The following STPG2 variants were observed in gnomAD, a reference collection of about 807,000 sequenced individuals.
The protein encoded by STPG2 is sperm tail PG-rich repeat containing 2, also known as sperm-tail PG-rich repeat-containing protein 2.
In STPG2, 56 loss-of-function variants were observed where a neutral mutation model predicts 54.2. The ratio of observed to expected loss-of-function variants is 1.03; its 90% CI spans 0.83 to 1.29. The LOEUF is 1.29. Ranked by LOEUF, STPG2 falls within the 50% of genes most tolerant of loss-of-function variation. The probability of loss-of-function intolerance (pLI) is 0.00; values close to 1 mark genes in which losing one functional copy is unlikely to be tolerated. For synonymous variants in STPG2, 200 were observed against 181.8 expected (o/e 1.10, Z -0.81); for missense variants, 596 against 544.9 (o/e 1.09, Z -0.93).
Position 98,049,927 on chromosome 4 carries a change from A to T in STPG2, c.612+56026T>A, listed in dbSNP as rs76514372. 5.2e-3 allele frequency among the ~76,000 whole-genome samples: 794 copies of T among 152,326 alleles called. 3 individuals are homozygous for T. Among genetic ancestry groups the T allele is most frequent in the Non-Finnish European group, 8.1e-3 (553 of 68,006 alleles). Reference sequence around the variant, plus strand: ...TCTAGTCTACAAATTTATAGAAAATACAAAAGACAAAGAAACATACTAAAA... The same window carrying T: ...TCTAGTCTACAAATTTATAGAAAATTCAAAAGACAAAGAAACATACTAAAA... On this transcript the variant is annotated intron_variant, in intron 5 of 10. Coordinates refer to ENST00000295268, the MANE Select transcript of STPG2 (RefSeq NM_174952.3).
intron 7 of STPG2, among the ~76,000 whole-genome samples, chr4:97,968,834 T>C (rs1438554947): frequency 1.3e-5 from 2 of 152,202 alleles, no homozygotes; most frequent in Admixed American, 6.5e-5. Flanking sequence ...CAGGATTGTG[T>C]AAAGACAATG....
At chr4:97,829,146 C>T (rs1244706338) in intron 9 of STPG2, among the ~76,000 whole-genome samples, 1 of 152,110 alleles carries the variant, frequency 6.6e-6, no homozygotes, top group Non-Finnish European at 1.5e-5. Context: ...CCGGTGGGTG[C>T]CCCTCTGGGA....
intron 10 of STPG2, among the ~76,000 whole-genome samples, chr4:97,691,993 G>A (rs1723380758): frequency 6.6e-6 from 1 of 152,168 alleles, no homozygotes; most frequent in Admixed American, 6.5e-5. Context: ...AGCACTGCAT[G>A]AAAGGAGCAC....
At chr4:97,790,600 G>C (rs550813875) in intron 9 of STPG2, among the ~76,000 whole-genome samples, 154 of 152,232 alleles carry the variant, frequency 1.0e-3, no homozygotes, top group African/African-American at 3.4e-3. Context: ...AGCTTCTAGA[G>C]GCTGCCCTCA....
Position 98,133,681 on chromosome 4 carries a change from T to C in STPG2, c.222+666A>G, listed in dbSNP as rs992765987. On this transcript the variant is annotated intron_variant, in intron 2 of 10. Coordinates refer to ENST00000295268, the MANE Select transcript of STPG2 (RefSeq NM_174952.3). Reference sequence around the variant, plus strand: ...TTTGATAATTTAAAAGCCATTACCATAGGCTCTATGATCATACAAATCAAA... The same window carrying C: ...TTTGATAATTTAAAAGCCATTACCACAGGCTCTATGATCATACAAATCAAA... Among the ~76,000 whole-genome samples the C allele has an allele frequency of 3.9e-5, 6 of 152,024 alleles. No individual in the cohort carries two copies. In the East Asian group the frequency reaches 5.8e-4, roughly 15 times the overall value.
intron 4 of STPG2, among the ~76,000 whole-genome samples, chr4:97,452,537 A>G (rs1043570159): frequency 1.5e-4 from 23 of 152,228 alleles, no homozygotes; most frequent in African/African-American, 5.5e-4. Flanking sequence ...TGAGGCCCAT[A>G]AAAGCCCCAG....
chr4:97,904,259 A>G (rs374820375), intron 8 of STPG2, among the ~76,000 whole-genome samples: 5 of 152,336 alleles, frequency 3.3e-5, no homozygotes, highest in South Asian at 2.1e-4. Flanking sequence ...ATCTGAGAAC[A>G]GGCAGACTGC....
intron 9 of STPG2, among the ~76,000 whole-genome samples, chr4:97,731,338 A>T (rs1006996804): frequency 5.3e-5 from 8 of 152,152 alleles, no homozygotes; most frequent in Admixed American, 4.6e-4. Context: ...GTGTCCTCAA[A>T]GAATTTTTGT....
At chr4:97,533,438 T>C (rs1460957075) in intron 4 of STPG2, among the ~76,000 whole-genome samples, 1 of 152,110 alleles carries the variant, frequency 6.6e-6, no homozygotes, top group Admixed American at 6.6e-5. Flanking sequence ...TTTATTAAAG[T>C]GTAGTTTATA....
intron 5 of STPG2, among the ~76,000 whole-genome samples, chr4:98,012,134 T>C (rs940127750): frequency 3.2e-5 from 4 of 126,750 alleles, no homozygotes; most frequent in African/African-American, 1.2e-4. Flanking sequence ...TTTTGTATAA[T>C]GCATAAGGGG....
intron 9 of STPG2, among the ~76,000 whole-genome samples, chr4:97,779,758 G>A (rs1726537251): frequency 6.6e-6 from 1 of 152,218 alleles, no homozygotes; most frequent in African/African-American, 2.4e-5. Flanking sequence ...CAAGCCAGAA[G>A]AGAGTGGGGG....
intron 10 of STPG2, among the ~76,000 whole-genome samples, chr4:97,591,272 A>G (rs1200111499): frequency 6.6e-6 from 1 of 152,196 alleles, no homozygotes; most frequent in African/African-American, 2.4e-5. Context: ...TTATAAATCA[A>G]TTTCCATTAG....
chr4:97,609,047 T>C (rs1359661501), intron 10 of STPG2, among the ~76,000 whole-genome samples: 1 of 152,108 alleles, frequency 6.6e-6, no homozygotes, highest in African/African-American at 2.4e-5. Context: ...GATTACATTT[T>C]AAAATAAGCA....
intron 8 of STPG2, among the ~76,000 whole-genome samples, chr4:97,943,469 A>G (rs1240013336): frequency 6.6e-6 from 1 of 152,226 alleles, no homozygotes; most frequent in Non-Finnish European, 1.5e-5. Flanking sequence ...AGAAAAATTT[A>G]TAGCCATACC....
At chr4:97,697,064 C>A (rs1246680020) in intron 10 of STPG2, among the ~76,000 whole-genome samples, 1 of 152,136 alleles carries the variant, frequency 6.6e-6, no homozygotes, top group South Asian at 2.1e-4. Flanking sequence ...TTGAATTGCA[C>A]CTCTCTGTCT....
chr4:97,828,116 C>G lies in STPG2; in HGVS notation c.1204+12657G>C, dbSNP rs1334991654. Reference sequence around the variant, plus strand: ...TGATGGCAAGATGGCCAAATAGGAACAGCCCTGGTCTGCAGCTCCCAGTGA... The same window carrying G: ...TGATGGCAAGATGGCCAAATAGGAAGAGCCCTGGTCTGCAGCTCCCAGTGA... On this transcript the variant is annotated intron_variant, in intron 9 of 10. Coordinates refer to ENST00000295268, the MANE Select transcript of STPG2 (RefSeq NM_174952.3). Among the ~76,000 whole-genome samples, 5 of 152,248 alleles carry G rather than the reference C, an allele frequency of 3.3e-5. No homozygotes were observed. The East Asian group carries it at 9.7e-4, about 29-fold the overall frequency.
chr4:97,534,677 A>G (rs1578368746), intron 4 of STPG2, among the ~76,000 whole-genome samples: 2 of 152,158 alleles, frequency 1.3e-5, no homozygotes, highest in Non-Finnish European at 2.9e-5. Flanking sequence ...ACATAATTCT[A>G]TGAATTTTGA....
chr4:98,087,100 C>T (rs1161073738), intron 5 of STPG2, among the ~76,000 whole-genome samples: 1 of 151,994 alleles, frequency 6.6e-6, no homozygotes, highest in East Asian at 1.9e-4. Context: ...CACATAAGAG[C>T]GTTTTATTTA....
intron 5 of STPG2, among the ~76,000 whole-genome samples, chr4:98,014,457 C>T (rs538701083): frequency 6.6e-6 from 1 of 152,176 alleles, no homozygotes; most frequent in East Asian, 1.9e-4. Context: ...CTGGATACCT[C>T]GGTTGCCAGT....
Sources: gnomAD v4.1 joint callset for allele counts (sites outside exome capture counted in the v4.1 genomes callset) on GRCh38, gnomAD v4.1.1 for gene constraint, MANE v1.5 for transcripts, NCBI Gene and HGNC (gene_info 2026-07-23, HGNC 2026-07-21) for gene names.